Variants in RAB22A observed in about 807,000 individuals in gnomAD.
RAB22A encodes ras-related protein Rab-22A.
In RAB22A, 13 loss-of-function variants were observed where a neutral mutation model predicts 30.2. That is an observed-to-expected ratio of 0.43 (90% CI 0.28 to 0.68). The LOEUF (loss-of-function observed/expected upper bound fraction) is 0.68, where lower values mean the gene tolerates loss of function less well. Ranked by LOEUF, RAB22A falls within the 30% of genes least tolerant of loss-of-function variation. The pLI is 0.18. For synonymous variants in RAB22A, 89 were observed against 87.2 expected (o/e 1.02, Z -0.11); for missense variants, 177 against 246.8 (o/e 0.72, Z 1.89).
intron 2 of RAB22A, among the ~76,000 whole-genome samples, chr20:58,342,276 GTAAA>G (rs917314485): frequency 6.6e-6 from 1 of 152,170 alleles, no homozygotes; most frequent in African/African-American, 2.4e-5. Context: ...TAAATTTTCA[GTAAA>G]TAAATATCCA....
In RAB22A at chr20:58,360,369, AT is replaced by A. The variant is rs1381772740; in HGVS notation, c.*668del. ...TCATGTGTGTGCCACCAAACACGTT[AT>A]TGGCACCTTTTTAAATAAGCTCTCA... On this transcript the variant is annotated 3_prime_UTR_variant, in exon 7 of 7. Transcript: ENST00000244040. 1.3e-5 allele frequency: 2 copies of A among 152,636 alleles called. No individual in the cohort carries two copies. Among genetic ancestry groups the A allele is most frequent in the Non-Finnish European group, 2.9e-5 (2 of 68,038 alleles). 9.5% of individuals were successfully genotyped at this position (152,636 alleles called of 1,614,324 possible).
intron 2 of RAB22A, among the ~76,000 whole-genome samples, chr20:58,331,338 A>T (rs146528221): frequency 3.4e-4 from 51 of 152,044 alleles, no homozygotes; most frequent in Admixed American, 6.5e-4. Context: ...ATCTATAATC[A>T]TCTATTTGTT....
Position 58,334,302 on chromosome 20 carries a change from T to C in RAB22A, c.117-9416T>C, listed in dbSNP as rs184158084. Among the ~76,000 whole-genome samples, 981 of 151,260 alleles carry C rather than the reference T, an allele frequency of 6.5e-3. 14 individuals carry two copies. The highest frequency in any genetic ancestry group is 0.022 in the African/African-American group (908 of 41,130). ...GTAAGCAGAGGTGGCACCACTGTAC[T>C]GCAGCCTGGGCGACAAGAGCGAAAG... On this transcript the variant is annotated intron_variant, in intron 2 of 6. Transcript: ENST00000244040.
At chr20:58,332,663 A>G (rs1986682397) in intron 2 of RAB22A, among the ~76,000 whole-genome samples, 1 of 152,202 alleles carries the variant, frequency 6.6e-6, no homozygotes, top group Non-Finnish European at 1.5e-5. Context: ...GAAAGAAAGG[A>G]GAAGGACAAA....
intron 3 of RAB22A, among the ~76,000 whole-genome samples, chr20:58,348,996 G>A (rs1438998454): frequency 6.6e-6 from 1 of 152,096 alleles, no homozygotes; most frequent in Non-Finnish European, 1.5e-5. Context: ...TTCACTACCT[G>A]GTCTTTACCA....
chr20:58,363,404 C>T lies in RAB22A; in HGVS notation c.*3701C>T, dbSNP rs1002848568. On this transcript the variant is annotated 3_prime_UTR_variant, in exon 7 of 7. Transcript: ENST00000244040. ...AACATCCACGTGTCTCTGCAGGAAC[C>T]TGTGTAAGTATTGTGAAAACCCTTT... The T allele has an allele frequency of 2.6e-5, 4 of 152,304 alleles. No individual in the cohort carries two copies. The highest frequency in any genetic ancestry group is 3.4e-3 in the Middle Eastern group (1 of 294). The allele number at this position is 152,304 out of a possible 1,614,324, so 9.4% of individuals were successfully genotyped here. A position where few individuals can be genotyped will look rare whatever the true frequency, so the allele number is the denominator to read the frequency against.
intron 2 of RAB22A, among the ~76,000 whole-genome samples, chr20:58,323,679 G>A (rs987556525): frequency 1.4e-5 from 2 of 143,618 alleles, no homozygotes; most frequent in African/African-American, 2.6e-5. Context: ...TATGTTGTTC[G>A]GGATAGATTT....
rs1257957654 is a variant in RAB22A, at chr20:58,309,739, A to G, written c.-238A>G. The G allele has an allele frequency of 4.1e-6, 1 of 244,486 alleles. No individual in the cohort carries two copies. The highest frequency in any genetic ancestry group is 2.3e-5 in the African/African-American group (1 of 43,502). 15.1% of individuals were successfully genotyped at this position (244,486 alleles called of 1,614,324 possible). ...CAGGTGACGCGGCCGGCGTCCCAAG[A>G]TGGCGGCGGCGGCGGCTCCCGGAAG... On this transcript the variant is annotated 5_prime_UTR_variant, in exon 1 of 7. An upstream start codon of the reference 5' UTR is lost. Coordinates refer to ENST00000244040, the MANE Select transcript of RAB22A (RefSeq NM_020673.3).
intron 3 of RAB22A, among the ~76,000 whole-genome samples, chr20:58,350,631 C>T (rs1987032739): frequency 6.6e-6 from 1 of 152,208 alleles, no homozygotes; most frequent in Admixed American, 6.5e-5. Context: ...GCCAGAGGAA[C>T]AGGATCTTTA....
intron 3 of RAB22A, among the ~76,000 whole-genome samples, chr20:58,352,946 G>C (rs765958630): frequency 4.6e-5 from 7 of 152,182 alleles, no homozygotes; most frequent in Non-Finnish European, 1.0e-4. Context: ...GGAAGCCAAA[G>C]TTTAAAGGAC....
At chr20:58,344,187 A>G (rs1394924310) in intron 3 of RAB22A, among the ~76,000 whole-genome samples, 1 of 152,334 alleles carries the variant, frequency 6.6e-6, no homozygotes, top group African/African-American at 2.4e-5. Context: ...TTTAAAAGCT[A>G]AAGAGGGAAC....
chr20:58,316,329 GT>G, intron 2 of RAB22A, among the ~76,000 whole-genome samples: 1 of 152,246 alleles, frequency 6.6e-6, no homozygotes, highest in Non-Finnish European at 1.5e-5. Flanking sequence ...CTTCGGCCTT[GT>G]CATCCCTTTG....
chr20:58,367,402 G>A lies in RAB22A; in HGVS notation c.*7699G>A, dbSNP rs1173821246. 1 of 152,574 alleles carries A rather than the reference G, an allele frequency of 6.6e-6. No individual in the cohort carries two copies. The highest frequency in any genetic ancestry group is 1.5e-5 in the Non-Finnish European group (1 of 68,032). 9.5% of individuals were successfully genotyped at this position (152,574 alleles called of 1,614,324 possible). A position where few individuals can be genotyped will look rare whatever the true frequency, so the allele number is the denominator to read the frequency against. Reference sequence around the variant, plus strand: ...CTTTTAAATAATATTGTTTTAGCTTGAATATTCTATAATACACTTTTATAG... The same window carrying A: ...CTTTTAAATAATATTGTTTTAGCTTAAATATTCTATAATACACTTTTATAG... On this transcript the variant is annotated 3_prime_UTR_variant, in exon 7 of 7. Transcript: ENST00000244040.
intron 2 of RAB22A, among the ~76,000 whole-genome samples, chr20:58,332,312 A>G (rs1375595026): frequency 6.6e-6 from 1 of 152,220 alleles, no homozygotes; most frequent in Non-Finnish European, 1.5e-5. Context: ...AAACTTTGCC[A>G]TAGATGGGAA....
intron 2 of RAB22A, among the ~76,000 whole-genome samples, chr20:58,336,098 C>G (rs568963065): frequency 5.9e-5 from 9 of 152,184 alleles, no homozygotes; most frequent in Non-Finnish European, 1.0e-4. Context: ...CAACCTCCAC[C>G]TCCTGGGTTC....
rs1051935550 is a variant in RAB22A at position 58,309,844 on chromosome 20, G to A, written c.-133G>A. The A allele has an allele frequency of 1.1e-6, 1 of 874,998 alleles. No individual in the cohort carries two copies. The highest frequency in any genetic ancestry group is 5.9e-5 in the South Asian group (1 of 17,074). The allele number at this position is 874,998 out of a possible 1,614,324, so 54.2% of individuals were successfully genotyped here. On this transcript the variant is annotated 5_prime_UTR_variant, in exon 1 of 7. Transcript: ENST00000244040. ...GGCCGGACCTACGGCCGGAGGACGGGCGGCAGCCGCCTCTGCGCGGACCGG... is the reference window on the plus strand; with the variant it reads ...GGCCGGACCTACGGCCGGAGGACGGACGGCAGCCGCCTCTGCGCGGACCGG...
chr20:58,315,653 G>T (rs1465180298), intron 2 of RAB22A, among the ~76,000 whole-genome samples: 1 of 152,036 alleles, frequency 6.6e-6, no homozygotes, highest in Non-Finnish European at 1.5e-5. Flanking sequence ...TGCAGTAAAT[G>T]GTGGTGGTGT....
intron 2 of RAB22A, among the ~76,000 whole-genome samples, chr20:58,312,729 A>C (rs1190739661): frequency 6.6e-6 from 1 of 151,720 alleles, no homozygotes; most frequent in African/African-American, 2.4e-5. Flanking sequence ...TGACCTCGTG[A>C]TCCGCCTGCC....
At chr20:58,348,829 A>G (rs1417216306) in intron 3 of RAB22A, among the ~76,000 whole-genome samples, 3 of 152,158 alleles carry the variant, frequency 2.0e-5, no homozygotes, top group African/African-American at 4.8e-5. Flanking sequence ...CAGTGTTTTA[A>G]GAAAGTTTAT....
Sources: gnomAD v4.1 joint callset for allele counts (sites outside exome capture counted in the v4.1 genomes callset) on GRCh38, gnomAD v4.1.1 for gene constraint, MANE v1.5 for transcripts, NCBI Gene and HGNC (gene_info 2026-07-23, HGNC 2026-07-21) for gene names.